TANK: variants seen among roughly 807,000 people sequenced by gnomAD.
The protein encoded by TANK is TRAF family member-associated NF-kappa-B activator.
A neutral mutation model predicts 43.6 loss-of-function variants in TANK; 15 were observed. That is an observed-to-expected ratio of 0.34 (90% CI 0.23 to 0.53). TANK has a LOEUF of 0.53. TANK is among the 20% of genes least tolerant of loss of function. The probability of loss-of-function intolerance (pLI) is 0.94; values close to 1 mark genes in which losing one functional copy is unlikely to be tolerated. For missense variants in TANK, 417 were observed against 498.6 expected (o/e 0.84, Z 1.56); for synonymous variants, 162 against 178.2 (o/e 0.91, Z 0.73).
chr2:161,167,588 G>A (rs367997795), intron 1 of TANK, among the ~76,000 whole-genome samples: 49 of 152,004 alleles, frequency 3.2e-4, no homozygotes, highest in Admixed American at 1.8e-3. Context: ...TGCTCCATTC[G>A]GCCTTTGTTG....
At chr2:161,206,798 G>T (rs1263121043) in intron 4 of TANK, among the ~76,000 whole-genome samples, 1 of 152,056 alleles carries the variant, frequency 6.6e-6, no homozygotes, top group African/African-American at 2.4e-5. Context: ...TTACTATACT[G>T]ACATAAATTT....
intron 2 of TANK, among the ~76,000 whole-genome samples, chr2:161,182,508 A>G (rs1310437841): frequency 1.3e-5 from 2 of 152,130 alleles, no homozygotes; most frequent in Non-Finnish European, 2.9e-5. Context: ...TTTACAGGAT[A>G]TTAACATCCA....
chr2:161,191,932 C>T (rs932555593), intron 2 of TANK, among the ~76,000 whole-genome samples: 3 of 151,936 alleles, frequency 2.0e-5, no homozygotes, highest in Non-Finnish European at 4.4e-5. Flanking sequence ...GGATTACAGG[C>T]GCCCACCACC....
At chr2:161,157,168 C>T (rs1684249664), upstream of TANK, among the ~76,000 whole-genome samples, 1 of 152,178 alleles carries the variant, frequency 6.6e-6, no homozygotes, top group African/African-American at 2.4e-5. Flanking sequence ...CCTTCCATAC[C>T]AACACCTTTG....
At chr2:161,156,980 C>G (rs1684244879), upstream of TANK, among the ~76,000 whole-genome samples, 2 of 152,208 alleles carry the variant, frequency 1.3e-5, no homozygotes, top group Admixed American at 1.3e-4. Flanking sequence ...AGCATTACAC[C>G]TATCCACTCC....
At chr2:161,232,238 T>C (rs1004723698) in intron 7 of TANK, among the ~76,000 whole-genome samples, 5 of 152,202 alleles carry the variant, frequency 3.3e-5, no homozygotes, top group African/African-American at 1.2e-4. Flanking sequence ...TATCACAGAA[T>C]GATTCTTTTA....
rs747662704 is a variant in TANK at position 161,230,955 on chromosome 2, GTTC to G, written c.521-11_521-9del. ...TTGAATGCGGCTGTTTCTCTTTTGT[GTTC>G]TTCTCCCTCCAGAAACACAGTGCTC... On this transcript the variant is annotated splice_polypyrimidine_tract_variant and intron_variant, in intron 6 of 7. Transcript: ENST00000392749. 2.7e-4 allele frequency: 432 copies of G among 1,599,954 alleles called. 1 individual carries two copies. The highest frequency in any genetic ancestry group is 1.7e-3 in the Middle Eastern group (10 of 6,024).
At chr2:161,215,989 G>T (rs1350124856) in intron 4 of TANK, among the ~76,000 whole-genome samples, 1 of 152,022 alleles carries the variant, frequency 6.6e-6, no homozygotes, top group Non-Finnish European at 1.5e-5. Context: ...TTAACCTGTG[G>T]TTTTTGTCTC....
rs185108389 is a variant in TANK, at chr2:161,196,352, C to A, written c.100-7135C>A. On this transcript the variant is annotated intron_variant, in intron 2 of 7. Transcript: ENST00000392749. ...TAGATCTATAGCTTAGAAGAGAGAT[C>A]TAAGCTAGAAGAAAAATTTGAGCTA... 1.8e-4 allele frequency among the ~76,000 whole-genome samples: 28 copies of A among 152,144 alleles called. 1 individual carries two copies. The highest frequency in any genetic ancestry group is 1.6e-3 in the Admixed American group (25 of 15,274).
chr2:161,233,846 A>G (rs976332512), intron 7 of TANK, among the ~76,000 whole-genome samples: 6 of 152,064 alleles, frequency 3.9e-5, no homozygotes, highest in African/African-American at 1.4e-4. Context: ...AGTGATTTGT[A>G]CTTTTTTGTT....
chr2:161,214,879 G>A (rs1227909895), intron 4 of TANK, among the ~76,000 whole-genome samples: 1 of 152,186 alleles, frequency 6.6e-6, no homozygotes, highest in Non-Finnish European at 1.5e-5. Flanking sequence ...AGGTAACACA[G>A]ACACAGATGA....
intron 1 of TANK, chr2:161,161,751 C>T (rs1419341460): frequency 9.0e-6 from 2 of 222,354 alleles, no homozygotes; most frequent in East Asian, 1.8e-4. Context: ...TTAACTGTCA[C>T]TTACTATGTC....
At chr2:161,142,693 G>A (rs1558956228) in intron 1 of TANK, among the ~76,000 whole-genome samples, 3 of 152,038 alleles carry the variant, frequency 2.0e-5, no homozygotes, top group Admixed American at 1.3e-4. Flanking sequence ...GTCTGTTTTG[G>A]TACCAGTACC....
In TANK at chr2:161,224,617, A is replaced by ATTT; in HGVS notation, c.405-5_405-3dup. The ATTT allele has an allele frequency of 5.7e-6, 6 of 1,047,220 alleles. No homozygotes were observed. The Admixed American group carries it at 8.4e-5, about 15-fold the overall frequency. The allele number at this position is 1,047,220 out of a possible 1,614,324, so 64.9% of individuals were successfully genotyped here. On this transcript the variant is annotated splice_polypyrimidine_tract_variant and intron_variant, in intron 5 of 7. Coordinates refer to ENST00000392749, the MANE Select transcript of TANK (RefSeq NM_001199135.3). Reference sequence around the variant, plus strand: ...TATAGCTTTACATTTTAAAATGTTGATTTTTTTTTTTAGGGGTAATATAGA... The same window carrying ATTT: ...TATAGCTTTACATTTTAAAATGTTGATTTTTTTTTTTTTTAGGGGTAATATAGA...
chr2:161,137,835 A>G (rs1207272203), intron 1 of TANK: 1 of 152,258 alleles, frequency 6.6e-6, no homozygotes, highest in Non-Finnish European at 1.5e-5. Flanking sequence ...TTAGCCGGGC[A>G]TGGTGGTACA....
chr2:161,224,617 ATTT>A lies in TANK; in HGVS notation c.405-5_405-3del. On this transcript the variant is annotated splice_polypyrimidine_tract_variant and intron_variant, in intron 5 of 7. Transcript: ENST00000392749. ...TATAGCTTTACATTTTAAAATGTTG[ATTT>A]TTTTTTTTAGGGGTAATATAGAGAA... 1 of 1,047,284 alleles carries A rather than the reference ATTT, an allele frequency of 9.5e-7. No homozygotes were observed. The highest frequency in any genetic ancestry group is 1.7e-5 in the African/African-American group (1 of 59,860). 64.9% of individuals were successfully genotyped at this position (1,047,284 alleles called of 1,614,324 possible). A position where few individuals can be genotyped will look rare whatever the true frequency, so the allele number is the denominator to read the frequency against.
intron 1 of TANK, chr2:161,161,065 C>A: frequency 1.4e-6 from 1 of 730,132 alleles, no homozygotes; most frequent in Non-Finnish European, 2.1e-6. Context: ...GCAGGAAGAA[C>A]AGAAGCCAAC....
intron 2 of TANK, among the ~76,000 whole-genome samples, chr2:161,198,890 G>T (rs983016028): frequency 1.3e-5 from 2 of 152,162 alleles, no homozygotes; most frequent in Non-Finnish European, 2.9e-5. Flanking sequence ...ACTGGAGGGT[G>T]GGAACGTACA....
chr2:161,228,128 G>C (rs1687723332), intron 6 of TANK, among the ~76,000 whole-genome samples: 1 of 152,128 alleles, frequency 6.6e-6, no homozygotes, highest in Admixed American at 6.6e-5. Context: ...TACTTTAGTG[G>C]GAAGAAACAG....
Sources: allele counts gnomAD v4.1 joint callset (sites outside exome capture counted in the v4.1 genomes callset), GRCh38; gene constraint gnomAD v4.1.1; transcripts MANE v1.5; gene names NCBI Gene and HGNC (gene_info 2026-07-23, HGNC 2026-07-21).